Variants in ICOS observed in about 807,000 individuals in gnomAD.
The protein encoded by ICOS is inducible T-cell costimulator.
Under a neutral mutation model 24.6 loss-of-function variants are expected in ICOS, and 15 were observed. The observed-to-expected ratio is 0.61, with a 90% CI of 0.41 to 0.94. The LOEUF (loss-of-function observed/expected upper bound fraction) is 0.94. Among genes scored for constraint, ICOS ranks in the 40% least tolerant of loss-of-function variants. The pLI is 0.00. For synonymous variants in ICOS, 89 were observed against 77.5 expected, an observed-to-expected ratio of 1.15 and a Z score of -0.78; for missense variants, 200 against 233.0, an observed-to-expected ratio of 0.86 and a Z score of 0.92.
At chr2:203,958,780 C>CT (rs1181096962) in intron 4 of ICOS, among the ~76,000 whole-genome samples, 20 of 136,628 alleles carry the variant, frequency 1.5e-4, no homozygotes, top group African/African-American at 2.4e-4. Flanking sequence ...ACAGTTAATA[C>CT]CTAGCTTTGA....
At chr2:203,951,637 G>T (rs1217610772) in intron 1 of ICOS, among the ~76,000 whole-genome samples, 1 of 152,130 alleles carries the variant, frequency 6.6e-6, no homozygotes, top group Non-Finnish European at 1.5e-5. Flanking sequence ...AATCATCTTC[G>T]GAAGTAGAAG....
intron 2 of ICOS, among the ~76,000 whole-genome samples, 200 bp from the exon 3 acceptor site, chr2:203,956,459 A>G (rs563528911): frequency 6.6e-6 from 1 of 152,290 alleles, no homozygotes; most frequent in South Asian, 2.1e-4. Flanking sequence ...AATACATTAT[A>G]TGCATAATCT....
At chr2:203,948,231 G>A (rs1420058492) in intron 1 of ICOS, among the ~76,000 whole-genome samples, 1 of 152,136 alleles carries the variant, frequency 6.6e-6, no homozygotes, top group Non-Finnish European at 1.5e-5. Flanking sequence ...GCATGATTGT[G>A]TATCTTCATA....
chr2:203,942,805 G>A (rs761208941), intron 1 of ICOS, among the ~76,000 whole-genome samples: 1 of 152,170 alleles, frequency 6.6e-6, no homozygotes, highest in Non-Finnish European at 1.5e-5. Context: ...TAGATTATTA[G>A]GTGAAGAGAT....
At chr2:203,941,927 T>G (rs116745288) in intron 1 of ICOS, among the ~76,000 whole-genome samples, 32 of 152,124 alleles carry the variant, frequency 2.1e-4, no homozygotes, top group African/African-American at 7.5e-4. Flanking sequence ...AGTCAGAAAC[T>G]GGGGATATGA....
intron 1 of ICOS, among the ~76,000 whole-genome samples, chr2:203,951,673 A>T (rs181738305): frequency 1.3e-5 from 2 of 152,218 alleles, no homozygotes; most frequent in Non-Finnish European, 2.9e-5. Flanking sequence ...CTGTGTATAC[A>T]TGGTGACCAC....
intron 1 of ICOS, among the ~76,000 whole-genome samples, chr2:203,953,670 A>T (rs1489937121): frequency 6.6e-6 from 1 of 152,248 alleles, no homozygotes; most frequent in African/African-American, 2.4e-5. Flanking sequence ...CAAAATGGCA[A>T]TACATAGTAT....
intron 1 of ICOS, among the ~76,000 whole-genome samples, chr2:203,940,478 C>T (rs1689746775): frequency 6.6e-6 from 1 of 152,138 alleles, no homozygotes; most frequent in South Asian, 2.1e-4. Flanking sequence ...ACCCCCAACT[C>T]TCTGAATTCC....
At chr2:203,950,792 T>G (rs10207141) in intron 1 of ICOS, among the ~76,000 whole-genome samples, 79 of 152,220 alleles carry the variant, frequency 5.2e-4, no homozygotes, top group African/African-American at 1.9e-3. Flanking sequence ...CCAGGTGCGG[T>G]GGCTCACGCT....
Position 203,959,893 on chromosome 2 carries a change from G to C in ICOS, c.*294G>C, listed in dbSNP as rs1690146903. The C allele has an allele frequency of 3.8e-6, 2 of 523,844 alleles. No individual in the cohort carries two copies. Among genetic ancestry groups the C allele is most frequent in the Non-Finnish European group, 6.9e-6 (2 of 288,936 alleles). The allele number at this position is 523,844 out of a possible 1,614,324, so 32.4% of individuals were successfully genotyped here. On this transcript the variant is annotated 3_prime_UTR_variant, in exon 5 of 5. Coordinates refer to ENST00000316386, the MANE Select transcript of ICOS (RefSeq NM_012092.4). ...ATCCCTGTCTCCACATCTGCTCCTA[G>C]CAGTGCATCAGCCAGTAAAACAAAC...
Position 203,955,574 on chromosome 2 carries a change from A to G in ICOS, c.59-62A>G, listed in dbSNP as rs997089111. Reference sequence around the variant, plus strand: ...GAATAAATTGCTTTTATGTTAAAATATAATTATTAGGGCAACATTATAAAA... The same window carrying G: ...GAATAAATTGCTTTTATGTTAAAATGTAATTATTAGGGCAACATTATAAAA... On this transcript the variant is annotated intron_variant, in intron 1 of 4. Transcript: ENST00000316386. The G allele has an allele frequency of 3.6e-6, 5 of 1,372,852 alleles. No homozygotes were observed. The African/African-American group carries it at 7.2e-5, about 20-fold the overall frequency. 85.0% of individuals were successfully genotyped at this position (1,372,852 alleles called of 1,614,324 possible).
chr2:203,954,968 C>T (rs983696295), intron 1 of ICOS, among the ~76,000 whole-genome samples: 3 of 151,554 alleles, frequency 2.0e-5, no homozygotes, highest in Admixed American at 2.0e-4. Flanking sequence ...TTCTATCTTT[C>T]CTTTTATCTG....
intron 1 of ICOS, among the ~76,000 whole-genome samples, chr2:203,945,904 T>C (rs755086734): frequency 6.6e-6 from 1 of 152,172 alleles, no homozygotes; most frequent in Non-Finnish European, 1.5e-5. Context: ...AAATGTGGGC[T>C]CCTGGGGGTA....
chr2:203,950,509 TGTCA>T (rs980652493), intron 1 of ICOS, among the ~76,000 whole-genome samples: 2 of 152,192 alleles, frequency 1.3e-5, no homozygotes, highest in South Asian at 4.1e-4. Context: ...TCAATATGAG[TGTCA>T]GTCAGAGGGG....
intron 1 of ICOS, among the ~76,000 whole-genome samples, chr2:203,943,003 TTTA>T (rs1300562836): frequency 6.6e-6 from 1 of 152,210 alleles, no homozygotes; most frequent in Non-Finnish European, 1.5e-5. Context: ...TCCTGAAATT[TTTA>T]TTGTTTTTTC....
intron 1 of ICOS, among the ~76,000 whole-genome samples, chr2:203,947,411 C>T (rs556295193): frequency 2.0e-5 from 3 of 152,156 alleles, no homozygotes; most frequent in Admixed American, 6.5e-5. Context: ...CTGGTTCAAG[C>T]GATTCTCCTG....
At chr2:203,954,278 A>T (rs534314669) in intron 1 of ICOS, among the ~76,000 whole-genome samples, 6 of 152,266 alleles carry the variant, frequency 3.9e-5, no homozygotes, top group African/African-American at 1.4e-4. Context: ...ATAAGCATAA[A>T]TTTATTTCAG....
intron 1 of ICOS, among the ~76,000 whole-genome samples, chr2:203,941,368 T>C (rs754271190): frequency 2.6e-5 from 4 of 152,190 alleles, no homozygotes; most frequent in Non-Finnish European, 4.4e-5. Flanking sequence ...ATTTCAGTTT[T>C]AAGTTACTAG....
chr2:203,958,203 G>T (rs553562407), intron 4 of ICOS, among the ~76,000 whole-genome samples: 1 of 152,178 alleles, frequency 6.6e-6, no homozygotes, highest in African/African-American at 2.4e-5. Flanking sequence ...TTTGTTGAAG[G>T]GTTCATTCAG....
Sources: allele counts gnomAD v4.1 joint callset (sites outside exome capture counted in the v4.1 genomes callset), GRCh38; gene constraint gnomAD v4.1.1; transcripts MANE v1.5; gene names NCBI Gene and HGNC (gene_info 2026-07-23, HGNC 2026-07-21).